Variants in XYLB observed in about 807,000 individuals in gnomAD.
XYLB encodes the protein xylulose kinase.
Under a neutral mutation model 78.7 loss-of-function variants are expected in XYLB, and 62 were observed. The ratio of observed to expected loss-of-function variants is 0.79; its 90% CI spans 0.64 to 0.97. The LOEUF is 0.97. XYLB is among the 50% of genes least tolerant of loss of function. The pLI is 0.00. For synonymous variants in XYLB, 245 were observed against 247.4 expected (o/e 0.99, Z 0.09); for missense variants, 687 against 676.8 (o/e 1.02, Z -0.17).
At chr3:38,392,912 G>A (rs1707727987) in intron 15 of XYLB, among the ~76,000 whole-genome samples, 1 of 152,128 alleles carries the variant, frequency 6.6e-6, no homozygotes, top group South Asian at 2.1e-4. Context: ...CAGAAGTACT[G>A]TTTTATGTTT....
chr3:38,358,685 T>G (rs921276374), intron 2 of XYLB, among the ~76,000 whole-genome samples: 2 of 152,164 alleles, frequency 1.3e-5, no homozygotes, highest in Non-Finnish European at 2.9e-5. Flanking sequence ...GCAGAATGTC[T>G]GGTTACAGTT....
the XYLB span, among the ~76,000 whole-genome samples, chr3:38,437,363 T>C: frequency 2.0e-5 from 3 of 152,118 alleles, no homozygotes; most frequent in Non-Finnish European, 4.4e-5. Flanking sequence ...ACAAGACAAG[T>C]CACTTTTACC....
the XYLB span, among the ~76,000 whole-genome samples, chr3:38,431,939 G>C: frequency 6.6e-6 from 1 of 152,048 alleles, no homozygotes; most frequent in African/African-American, 2.4e-5. Flanking sequence ...CATGAGGATT[G>C]TTATAATTCA....
intron 11 of XYLB, 100 bp downstream of exon 11, chr3:38,374,602 T>A: frequency 6.7e-7 from 1 of 1,492,724 alleles, no homozygotes; most frequent in Non-Finnish European, 9.2e-7. Context: ...GATCCCAGGG[T>A]CCCAGGGTCT....
At chr3:38,412,022 G>C (rs1307632886) in intron 18 of XYLB, among the ~76,000 whole-genome samples, 1 of 143,814 alleles carries the variant, frequency 7.0e-6, no homozygotes, top group Non-Finnish European at 1.5e-5. Context: ...ACAGAGTCTT[G>C]CTCTGTCACC....
At chr3:38,354,853 G>A (rs939025928) in intron 2 of XYLB, among the ~76,000 whole-genome samples, 1 of 152,176 alleles carries the variant, frequency 6.6e-6, no homozygotes, top group Admixed American at 6.5e-5. Context: ...AATTAACTTG[G>A]CAGAATTGAC....
rs775063046 is a variant in XYLB at position 38,414,176 on chromosome 3, G to T, written c.*1163G>T. ...CAAAATACGCATGTTCTCACCCAGA[G>T]TGACAAAATCCTGCAGATAGGTTTA... On this transcript the variant is annotated 3_prime_UTR_variant, in exon 19 of 19. Coordinates refer to ENST00000207870, the MANE Select transcript of XYLB (RefSeq NM_005108.4). The T allele has an allele frequency of 6.6e-6, 1 of 152,220 alleles. No homozygotes were observed. Among genetic ancestry groups the T allele is most frequent in the East Asian group, 1.9e-4 (1 of 5,194 alleles). 9.4% of individuals were successfully genotyped at this position (152,220 alleles called of 1,614,324 possible).
chr3:38,446,041 A>G, the XYLB span, among the ~76,000 whole-genome samples: 2 of 152,198 alleles, frequency 1.3e-5, no homozygotes, highest in Admixed American at 6.5e-5. Flanking sequence ...CCACGGACCC[A>G]AAGATTGAGC....
chr3:38,439,806 C>A, the XYLB span, among the ~76,000 whole-genome samples: 1 of 151,692 alleles, frequency 6.6e-6, no homozygotes, highest in Non-Finnish European at 1.5e-5. Context: ...ATTTGAGAAA[C>A]CTTTTCCTGT....
At chr3:38,436,298 A>G in the XYLB span, among the ~76,000 whole-genome samples, 4 of 152,206 alleles carry the variant, frequency 2.6e-5, 1 homozygote, top group Middle Eastern at 6.3e-3. Flanking sequence ...GAACAATTAT[A>G]CATAGACAAA....
rs750442756 is a variant in XYLB at position 38,376,963 on chromosome 3, G to T, written c.1166G>T (p.Arg389Leu). 2 of 1,614,012 alleles carry T rather than the reference G, an allele frequency of 1.2e-6. No homozygotes were observed. Among genetic ancestry groups the T allele is most frequent in the South Asian group, 2.2e-5 (2 of 91,066 alleles). The change falls in exon 14 of 19, where the codon CGT becomes CTT. Residue 389 changes from arginine (R) to leucine (L), a missense_variant. By Grantham distance (102) the Arg-to-Leu change is moderately radical (BLOSUM62 -2). Coordinates refer to ENST00000207870, the MANE Select transcript of XYLB (RefSeq NM_005108.4). ...GAGATCACCCCTGAAATTATTGGACGTCATAGGTTTAACACAGAAAACCAC... is the reference window on the plus strand; with the variant it reads ...GAGATCACCCCTGAAATTATTGGACTTCATAGGTTTAACACAGAAAACCAC... ...VMEITPEIIG[R>L]HRFNTENHKV...
At position 38,372,347 on chromosome 3, in the gene XYLB, T is replaced by G. The variant is rs1706613320; in HGVS notation, c.766-308T>G. 4.1e-6 allele frequency: 4 copies of G among 982,576 alleles called. No individual in the cohort carries two copies. The South Asian group carries it at 1.9e-4, about 46-fold the overall frequency. The allele number at this position is 982,576 out of a possible 1,614,324, so 60.9% of individuals were successfully genotyped here. ...TAATGCTATATCCAGAATTTGGAGC[T>G]TATAAAGCAAGCACAAGTTAGGGGT... On this transcript the variant is annotated intron_variant, in intron 9 of 18. Transcript: ENST00000207870.
At chr3:38,348,684 C>T (rs1332987900) in intron 2 of XYLB, 52 bp downstream of exon 2, 2 of 1,562,270 alleles carry the variant, frequency 1.3e-6, no homozygotes, top group Middle Eastern at 1.7e-4. Flanking sequence ...TTTTGGGGTC[C>T]TCCCGCAAAC....
In XYLB at chr3:38,397,095, C is replaced by A. The variant is rs374840248; in HGVS notation, c.1374C>A (p.Ala458=). Residue 458 remains alanine (A), a synonymous_variant, in exon 17 of 19, where the codon GCC becomes GCA. Transcript: ENST00000207870. ...AGGTGCTTGCAGATGTGTTTGATGC[C>A]CCGGTGTATGTTATAGACACTGCCA... is the stretch of plus-strand genomic sequence containing the variant. ...ILQVLADVFD[A]PVYVIDTANS... The A allele has an allele frequency of 6.2e-7, 1 of 1,614,088 alleles. No individual in the cohort carries two copies. The highest frequency in any genetic ancestry group is 1.3e-5 in the African/African-American group (1 of 75,006).
chr3:38,359,245 G>A (rs146663154), intron 2 of XYLB, among the ~76,000 whole-genome samples: 1 of 152,384 alleles, frequency 6.6e-6, no homozygotes, highest in South Asian at 2.1e-4. Context: ...GAACATGTCC[G>A]TAAGGCACAG....
chr3:38,433,643 A>G, the XYLB span, among the ~76,000 whole-genome samples: 1 of 152,244 alleles, frequency 6.6e-6, no homozygotes, highest in East Asian at 1.9e-4. Context: ...GCATAGCAAG[A>G]GTCAACTTTA....
rs889669239 is a variant in XYLB at position 38,365,751 on chromosome 3, C to T, written c.507+15C>T. On this transcript the variant is annotated intron_variant, in intron 6 of 18. Transcript: ENST00000207870. ...GTGCCTATGAGGTAGGCTGAGGATG[C>T]GGGGGGTGCAGGGGGTGGTCTGGTT... 1.2e-5 allele frequency: 20 copies of T among 1,605,630 alleles called. No homozygotes were observed. The highest frequency in any genetic ancestry group is 4.4e-5 in the South Asian group (4 of 90,184).
intron 8 of XYLB, among the ~76,000 whole-genome samples, chr3:38,368,610 T>C (rs1183906420): frequency 6.6e-6 from 1 of 152,188 alleles, no homozygotes; most frequent in Non-Finnish European, 1.5e-5. Context: ...ATTTCCAGCA[T>C]CATGCACATG....
chr3:38,448,838 T>TC, the XYLB span, among the ~76,000 whole-genome samples: 1 of 152,212 alleles, frequency 6.6e-6, no homozygotes, highest in African/African-American at 2.4e-5. Context: ...CCATGAAGAC[T>TC]CCAATTTTGC....
Sources: allele counts gnomAD v4.1 joint callset (sites outside exome capture counted in the v4.1 genomes callset), GRCh38; gene constraint gnomAD v4.1.1; transcripts MANE v1.5; gene names NCBI Gene and HGNC (gene_info 2026-07-23, HGNC 2026-07-21).